The following BCR variants were observed in gnomAD, a reference collection of about 807,000 sequenced individuals.
BCR encodes the protein BCR activator of RhoGEF and GTPase.
A neutral mutation model predicts 138.6 loss-of-function variants in BCR; 58 were observed. The ratio of observed to expected loss-of-function variants is 0.42; its 90% CI spans 0.34 to 0.52. The LOEUF (loss-of-function observed/expected upper bound fraction) is 0.52, where lower values mean the gene tolerates loss of function less well. Among genes scored for constraint, BCR ranks in the 20% least tolerant of loss-of-function variants. The pLI, the probability that BCR is intolerant of heterozygous loss-of-function variation, is 0.06. For missense variants in BCR, 1,599 were observed against 1,727.2 expected (o/e 0.93, Z 1.32); for synonymous variants, 786 against 730.1 (o/e 1.08, Z -1.23).
chr22:23,273,457 A>G (rs565373612), intron 7 of BCR, among the ~76,000 whole-genome samples, 177 bp from the exon 8 acceptor site: 1 of 152,346 alleles, frequency 6.6e-6, no homozygotes, highest in East Asian at 1.9e-4. Flanking sequence ...ACCTGCTTCC[A>G]GGATGGTGCT....
chr22:23,185,590 G>GCC (rs1569235933), intron 1 of BCR, among the ~76,000 whole-genome samples: 1 of 151,076 alleles, frequency 6.6e-6, no homozygotes, highest in Non-Finnish European at 1.5e-5. Flanking sequence ...GCGTGAACTA[G>GCC]GGGAGGCGGA....
intron 1 of BCR, among the ~76,000 whole-genome samples, chr22:23,211,960 T>C (rs1254957353): frequency 6.6e-6 from 1 of 152,180 alleles, no homozygotes; most frequent in East Asian, 1.9e-4. Flanking sequence ...ACCCCCTCCC[T>C]GTTCCCACTT....
In BCR at chr22:23,316,033, C is replaced by T. The variant is rs1344407853; in HGVS notation, c.*511C>T. On this transcript the variant is annotated 3_prime_UTR_variant, in exon 23 of 23. Transcript: ENST00000305877. ...CTTAGAAACCACACTCCACTTCTAA[C>T]AGGGTTTGAGAGGCTTAGTCAGCAC... is the stretch of plus-strand genomic sequence containing the variant. 1 of 216,992 alleles carries T rather than the reference C, an allele frequency of 4.6e-6. No homozygotes were observed. The allele number at this position is 216,992 out of a possible 1,614,324, so 13.4% of individuals were successfully genotyped here.
intron 20 of BCR, among the ~76,000 whole-genome samples, 161 bp from the exon 21 acceptor site, chr22:23,313,807 G>A (rs2074034586): frequency 6.6e-6 from 1 of 152,184 alleles, no homozygotes; most frequent in African/African-American, 2.4e-5. Flanking sequence ...CCACACAGGT[G>A]CCCCTCACAG....
chr22:23,304,644 C>T (rs536878052), intron 16 of BCR, among the ~76,000 whole-genome samples: 1 of 152,240 alleles, frequency 6.6e-6, no homozygotes, highest in South Asian at 2.1e-4. Flanking sequence ...TGGGGAACTG[C>T]CCTACGTTGT....
intron 8 of BCR, among the ~76,000 whole-genome samples, chr22:23,274,652 G>A (rs373628205): frequency 1.1e-4 from 17 of 152,284 alleles, no homozygotes; most frequent in East Asian, 3.9e-4. Context: ...GCTCACGCCT[G>A]TAATCCTAGC....
At chr22:23,182,335 T>C (rs998273294) in intron 1 of BCR, 96 bp downstream of exon 1, 17 of 1,359,688 alleles carry the variant, frequency 1.3e-5, no homozygotes, top group African/African-American at 1.5e-5. Context: ...GAGGGAGGAG[T>C]GGATAGTTTT....
At chr22:23,236,095 A>C (rs1356872015) in intron 1 of BCR, among the ~76,000 whole-genome samples, 1 of 152,196 alleles carries the variant, frequency 6.6e-6, no homozygotes, top group Non-Finnish European at 1.5e-5. Context: ...GGTGTGACTC[A>C]TGGCTGGAGG....
chr22:23,217,135 T>C, intron 1 of BCR: 3 of 355,708 alleles, frequency 8.4e-6, no homozygotes, highest in South Asian at 5.8e-5. Context: ...GGACTGGAAG[T>C]GATTGTGGGA....
chr22:23,309,286 C>T (rs991832507), intron 16 of BCR, 138 bp from the exon 17 acceptor site: 5 of 804,906 alleles, frequency 6.2e-6, no homozygotes, highest in South Asian at 1.6e-5. Context: ...CCTCTGTTGG[C>T]CTCTGGATGG....
At chr22:23,183,097 A>G (rs756731307) in intron 1 of BCR, among the ~76,000 whole-genome samples, 1 of 152,224 alleles carries the variant, frequency 6.6e-6, no homozygotes, top group Admixed American at 6.5e-5. Flanking sequence ...CTGTGGTCAG[A>G]TTCTAGCACT....
At chr22:23,254,490 C>G (rs768412366) in intron 2 of BCR, 5 of 519,118 alleles carry the variant, frequency 9.6e-6, no homozygotes, top group South Asian at 7.0e-5. Flanking sequence ...TGGTGGCTTC[C>G]CCAAGGTCTC....
Position 23,253,983 on chromosome 22 carries a change from G to A in BCR, c.1461+3G>A. 6.2e-7 allele frequency: 1 copy of A among 1,610,252 alleles called. No individual in the cohort carries two copies. Among genetic ancestry groups the A allele is most frequent in the Admixed American group, 1.7e-5 (1 of 59,824 alleles). On this transcript the variant is annotated splice_donor_region_variant and intron_variant, in intron 2 of 22. Transcript: ENST00000305877. Reference sequence around the variant, plus strand: ...GAGCCCTGGAGTCCACTAAAGCGGTGAGTCCCCATGGTGTACGTGTGGCAG... The same window carrying A: ...GAGCCCTGGAGTCCACTAAAGCGGTAAGTCCCCATGGTGTACGTGTGGCAG...
At position 23,204,145 on chromosome 22, in the gene BCR, G is replaced by A. The variant is rs116984996; in HGVS notation, c.1279+21906G>A. On this transcript the variant is annotated intron_variant, in intron 1 of 22. Coordinates refer to ENST00000305877, the MANE Select transcript of BCR (RefSeq NM_004327.4). The stretch of plus-strand genomic sequence containing the variant: ...CACTGACTAGTCGTCCTGCACCGTG[G>A]AGGGTGTTCCGTCTTATTTTCCAGC... Among the ~76,000 whole-genome samples, 57 of 152,306 alleles carry A rather than the reference G, an allele frequency of 3.7e-4. No homozygotes were observed. In the East Asian group the frequency reaches 9.5e-3, roughly 25 times the overall value.
chr22:23,205,786 A>C (rs2072605938), intron 1 of BCR, among the ~76,000 whole-genome samples: 1 of 152,176 alleles, frequency 6.6e-6, no homozygotes, highest in Non-Finnish European at 1.5e-5. Flanking sequence ...AACCATTTGG[A>C]ATGTGAGCAT....
intron 1 of BCR, among the ~76,000 whole-genome samples, chr22:23,242,604 G>A (rs2073105871): frequency 1.3e-5 from 2 of 152,180 alleles, no homozygotes; most frequent in African/African-American, 4.8e-5. Context: ...GCAGCTCCCT[G>A]CCCCTGCTGG....
chr22:23,296,919 C>T (rs888217015), intron 16 of BCR, among the ~76,000 whole-genome samples: 1 of 152,218 alleles, frequency 6.6e-6, no homozygotes, highest in Non-Finnish European at 1.5e-5. Context: ...TGATGGAGTA[C>T]TTAGTGCTGG....
At chr22:23,216,591 G>A (rs1274056142) in intron 1 of BCR, among the ~76,000 whole-genome samples, 5 of 152,246 alleles carry the variant, frequency 3.3e-5, no homozygotes, top group Non-Finnish European at 7.3e-5. Context: ...GTCATCTCTT[G>A]TTCGGTAACA....
chr22:23,196,638 A>C (rs772147949), intron 1 of BCR, among the ~76,000 whole-genome samples: 2 of 152,070 alleles, frequency 1.3e-5, no homozygotes, highest in African/African-American at 2.4e-5. Context: ...GGGTTAGGGG[A>C]TGGTTTCAGG....
Sources: allele counts gnomAD v4.1 joint callset (sites outside exome capture counted in the v4.1 genomes callset), GRCh38; gene constraint gnomAD v4.1.1; transcripts MANE v1.5; gene names NCBI Gene and HGNC (gene_info 2026-07-23, HGNC 2026-07-21).